Variants in SNX25 observed in about 807,000 individuals in gnomAD.
SNX25 encodes the protein sorting nexin 25.
A neutral mutation model predicts 113.7 loss-of-function variants in SNX25; 62 were observed. That is an observed-to-expected ratio of 0.55 (90% CI 0.44 to 0.67). The LOEUF (loss-of-function observed/expected upper bound fraction) is 0.67, where lower values mean the gene tolerates loss of function less well. Among genes scored for constraint, SNX25 ranks in the 30% least tolerant of loss-of-function variants. SNX25 has a pLI of 0.00. For missense variants in SNX25, 1,014 were observed against 1,161.0 expected (o/e 0.87, Z 1.84); for synonymous variants, 421 against 436.2 (o/e 0.97, Z 0.43).
intron 1 of SNX25, among the ~76,000 whole-genome samples, chr4:185,244,896 G>A (rs1184403530): frequency 2.0e-5 from 3 of 152,006 alleles, no homozygotes; most frequent in Non-Finnish European, 4.4e-5. Flanking sequence ...GCACGAACAG[G>A]GATGACATCC....
chr4:185,339,662 C>A, intron 11 of SNX25, 152 bp downstream of exon 11: 1 of 966,972 alleles, frequency 1.0e-6, no homozygotes, highest in Non-Finnish European at 1.5e-6. Flanking sequence ...ACAATTTTCA[C>A]TCCGGTTCAC....
At chr4:185,261,179 T>A (rs1747289149) in intron 3 of SNX25, among the ~76,000 whole-genome samples, 1 of 151,890 alleles carries the variant, frequency 6.6e-6, no homozygotes, top group African/African-American at 2.4e-5. Flanking sequence ...TATAATTTTT[T>A]ATTTTTATTT....
At chr4:185,369,314 T>C (rs1262990125) in intron 11 of SNX25, among the ~76,000 whole-genome samples, 9 of 148,386 alleles carry the variant, frequency 6.1e-5, no homozygotes, top group Non-Finnish European at 1.2e-4. Flanking sequence ...TGCTCCCAGG[T>C]TGAAGCAATT....
chr4:185,360,217 A>G (rs914008372), intron 16 of SNX25, among the ~76,000 whole-genome samples: 1 of 152,164 alleles, frequency 6.6e-6, no homozygotes, highest in Non-Finnish European at 1.5e-5. Context: ...TCTCTCTTAA[A>G]CCACAAGTTC....
rs753873688 is a variant in SNX25, at chr4:185,247,369, C to T, written c.505C>T (p.Leu169=). ...VVISHNMDKA[L]KEVFDYSYRD... ...AATTTCTCATAATATGGATAAAGCTCTGAAAGAAGGTAAGGATTAAATGAG... is the reference window on the plus strand; with the variant it reads ...AATTTCTCATAATATGGATAAAGCTTTGAAAGAAGGTAAGGATTAAATGAG... The change falls in exon 2 of 19, where the codon CTG becomes TTG. Residue 169 remains leucine (L), a synonymous_variant. Coordinates refer to ENST00000652585, the MANE Select transcript of SNX25 (RefSeq NM_001378034.2). 2 of 1,600,072 alleles carry T rather than the reference C, an allele frequency of 1.2e-6. No homozygotes were observed. The highest frequency in any genetic ancestry group is 1.7e-6 in the Non-Finnish European group (2 of 1,167,902).
chr4:185,242,648 C>T (rs768711727), intron 1 of SNX25, among the ~76,000 whole-genome samples: 1 of 152,180 alleles, frequency 6.6e-6, no homozygotes, highest in African/African-American at 2.4e-5. Flanking sequence ...ACATGTTCAG[C>T]TGTCCCGAAG....
At position 185,335,316 on chromosome 4, in the gene SNX25, T is replaced by TCTCA. The variant is rs1303921565; in HGVS notation, c.1914+2558_1914+2559insTCAC. On this transcript the variant is annotated intron_variant, in intron 10 of 18. Transcript: ENST00000652585. Reference sequence around the variant, plus strand: ...GCCTGGGCAATAGAGTGAAAAAGTCTCACACACACACACACACACACACAC... The same window carrying TCTCA: ...GCCTGGGCAATAGAGTGAAAAAGTCTCTCACACACACACACACACACACACACAC... Among the ~76,000 whole-genome samples, 291 of 140,886 alleles carry TCTCA rather than the reference T, an allele frequency of 2.1e-3. 2 individuals carry two copies. The East Asian group carries it at 0.025, about 12-fold the overall frequency. The allele number at this position is 140,886 out of a possible 152,430, so 92.4% of individuals were successfully genotyped here. A position where few individuals can be genotyped will look rare whatever the true frequency, so the allele number is the denominator to read the frequency against.
intron 1 of SNX25, among the ~76,000 whole-genome samples, chr4:185,221,569 T>A (rs1480010108): frequency 6.6e-6 from 1 of 152,104 alleles, no homozygotes; most frequent in African/African-American, 2.4e-5. Flanking sequence ...TTTCAATTGG[T>A]CTCTGCCTCC....
intron 5 of SNX25, among the ~76,000 whole-genome samples, chr4:185,270,092 A>AT (rs1748703626): frequency 6.6e-6 from 1 of 152,048 alleles, no homozygotes; most frequent in African/African-American, 2.4e-5. Flanking sequence ...AAAAAAAAAA[A>AT]AAAAATCCCA....
Position 185,264,623 on chromosome 4 carries a change from A to C in SNX25, c.904+13A>C, listed in dbSNP as rs755799979. 2 of 1,612,542 alleles carry C rather than the reference A, an allele frequency of 1.2e-6. No individual in the cohort carries two copies. Among genetic ancestry groups the C allele is most frequent in the Non-Finnish European group, 1.7e-6 (2 of 1,178,836 alleles). ...CTCACAACAAAAGGTAGACTTATAC[A>C]GTTGATTTCACTAATTCAATAAGTG... is the stretch of plus-strand genomic sequence containing the variant. On this transcript the variant is annotated intron_variant, in intron 4 of 18. Transcript: ENST00000652585.
rs567981278 is a variant in SNX25, at chr4:185,241,643, T to C, written c.430-5651T>C. ...AGCGGTCTGGTTCACCAAGAGCTTTTATGAGTTAATATTGTGATACGCATA... is the reference window on the plus strand; with the variant it reads ...AGCGGTCTGGTTCACCAAGAGCTTTCATGAGTTAATATTGTGATACGCATA... On this transcript the variant is annotated intron_variant, in intron 1 of 18. Transcript: ENST00000652585. Among the ~76,000 whole-genome samples the C allele has an allele frequency of 4.0e-5, 6 of 151,722 alleles. No individual in the cohort carries two copies. In the East Asian group the frequency reaches 1.2e-3, roughly 29 times the overall value.
chr4:185,211,942 C>T (rs2111472069), intron 1 of SNX25, among the ~76,000 whole-genome samples: 1 of 152,192 alleles, frequency 6.6e-6, no homozygotes. Context: ...CGTGGATTAT[C>T]ATCTAGAAAG....
chr4:185,285,988 G>C (rs1751299958), intron 5 of SNX25, among the ~76,000 whole-genome samples: 1 of 151,588 alleles, frequency 6.6e-6, no homozygotes, highest in African/African-American at 2.4e-5. Context: ...TTGTTTCCCA[G>C]GCTGGTCTCA....
rs767796905 is a variant in SNX25 at position 185,310,810 on chromosome 4, C to G, written c.1338C>G (p.Ser446Arg). 6.2e-7 allele frequency: 1 copy of G among 1,609,732 alleles called. No individual in the cohort carries two copies. Among genetic ancestry groups the G allele is most frequent in the South Asian group, 1.1e-5 (1 of 90,038 alleles). ...TGGATGAGGGGGAAGGGCCTCAAAG[C>G]CAGAAGGTAGAACTTTATAGTTTCT... The part of the protein sequence containing the change: ...GALDEGEGPQ[S>R]QKILQFEDIL... Residue 446 changes from serine to arginine, a missense_variant, in exon 7 of 19, where the codon AGC becomes AGG. Physicochemically the swap from Ser to Arg is moderately radical, Grantham distance 110. Coordinates refer to ENST00000652585, the MANE Select transcript of SNX25 (RefSeq NM_001378034.2).
At chr4:185,350,896 T>G (rs1357474217) in intron 13 of SNX25, among the ~76,000 whole-genome samples, 1 of 152,134 alleles carries the variant, frequency 6.6e-6, no homozygotes, top group East Asian at 1.9e-4. Flanking sequence ...TGTTACATAA[T>G]TATGTAAATG....
chr4:185,374,169 T>C (rs138147182), downstream of SNX25: 449 of 1,614,176 alleles, frequency 2.8e-4, 6 homozygotes, highest in South Asian at 4.4e-3. Context: ...GGTTGAGTAA[T>C]ACAGCCCGAG....
At chr4:185,247,501 T>A in intron 2 of SNX25, 123 bp downstream of exon 2, 1 of 772,588 alleles carries the variant, frequency 1.3e-6, no homozygotes. Flanking sequence ...AATTTTTTCT[T>A]CATGAGTTTG....
At chr4:185,214,320 A>C (rs552953009) in intron 1 of SNX25, among the ~76,000 whole-genome samples, 1 of 151,440 alleles carries the variant, frequency 6.6e-6, no homozygotes, top group Admixed American at 6.6e-5. Context: ...GCCTTGGGAG[A>C]CCAAAATGGG....
chr4:185,319,794 A>G (rs1171280075), intron 7 of SNX25, among the ~76,000 whole-genome samples: 2 of 152,168 alleles, frequency 1.3e-5, no homozygotes, highest in South Asian at 2.1e-4. Flanking sequence ...GCTTTATTCT[A>G]TTTAAAATGT....
Sources: gnomAD v4.1 joint callset for allele counts (sites outside exome capture counted in the v4.1 genomes callset) on GRCh38, gnomAD v4.1.1 for gene constraint, MANE v1.5 for transcripts, NCBI Gene and HGNC (gene_info 2026-07-23, HGNC 2026-07-21) for gene names.